PLEKHA7: variants seen among roughly 807,000 people sequenced by gnomAD.
PLEKHA7 encodes pleckstrin homology domain-containing family A member 7.
PLEKHA7 carries 104 observed loss-of-function variants against 170.0 expected under a neutral mutation model. The observed-to-expected ratio is 0.61, with a 90% CI of 0.52 to 0.72. The LOEUF is 0.72. Ranked by LOEUF, PLEKHA7 falls within the 30% of genes least tolerant of loss-of-function variation. The pLI, the probability that PLEKHA7 is intolerant of heterozygous loss-of-function variation, is 0.00. For missense variants in PLEKHA7, 1,615 were observed against 1,671.7 expected (o/e 0.97, Z 0.59); for synonymous variants, 648 against 660.8 (o/e 0.98, Z 0.30).
intron 23 of PLEKHA7, chr11:16,788,784 G>C: frequency 2.2e-6 from 1 of 464,676 alleles, no homozygotes; most frequent in Non-Finnish European, 3.9e-6. Context: ...TGTATTCCCA[G>C]GTCCTGAATT....
At chr11:16,883,486 C>T (rs1855857205) in intron 3 of PLEKHA7, among the ~76,000 whole-genome samples, 1 of 152,210 alleles carries the variant, frequency 6.6e-6, no homozygotes, top group Non-Finnish European at 1.5e-5. Flanking sequence ...AAACACCCTC[C>T]ATGGCTCCTC....
chr11:16,908,850 C>CA (rs1858050377), intron 3 of PLEKHA7, among the ~76,000 whole-genome samples: 1 of 152,114 alleles, frequency 6.6e-6, no homozygotes, highest in South Asian at 2.1e-4. Context: ...TTTGTAACGC[C>CA]AGCCCTAGCA....
At chr11:16,896,719 A>C (rs182404346) in intron 3 of PLEKHA7, among the ~76,000 whole-genome samples, 1 of 152,144 alleles carries the variant, frequency 6.6e-6, no homozygotes, top group East Asian at 1.9e-4. Context: ...AGTAGTTCCC[A>C]TTACCTTCTG....
At chr11:16,825,859 G>A (rs1850594339) in intron 10 of PLEKHA7, among the ~76,000 whole-genome samples, 1 of 152,200 alleles carries the variant, frequency 6.6e-6, no homozygotes, top group Non-Finnish European at 1.5e-5. Context: ...TGGAGGCCTT[G>A]GAGGCTCACA....
chr11:16,862,521 G>A (rs1393608514), intron 4 of PLEKHA7, among the ~76,000 whole-genome samples: 3 of 152,196 alleles, frequency 2.0e-5, no homozygotes, highest in Non-Finnish European at 4.4e-5. Flanking sequence ...AAGAGGACAA[G>A]AAGGGAAGTC....
Position 16,789,835 on chromosome 11 carries a change from A to G in PLEKHA7, c.3096T>C (p.Ile1032=). The G allele has an allele frequency of 6.2e-7, 1 of 1,614,090 alleles. No individual in the cohort carries two copies. The highest frequency in any genetic ancestry group is 8.5e-7 in the Non-Finnish European group (1 of 1,179,988). Residue 1032 remains isoleucine, a synonymous_variant, in exon 22 of 27, where the codon ATT becomes ATC. Coordinates refer to ENST00000531066, the MANE Select transcript of PLEKHA7 (RefSeq NM_001329630.2). This position sits in a 1 kb window ranked among gnomAD's most constrained non-coding sequence, Gnocchi z 4.6. The part of the protein sequence containing the change: ...STSRLQQSST[I]APYVTLRRGL... ...CCCTCCGGAGTGTGACGTAGGGAGC[A>G]ATGGTGGACGACTGCTGGAGCCTTG...
intron 3 of PLEKHA7, among the ~76,000 whole-genome samples, chr11:16,891,275 G>C (rs1856593740): frequency 6.6e-6 from 1 of 152,192 alleles, no homozygotes; most frequent in Admixed American, 6.5e-5. Context: ...TGGAAATCCA[G>C]TATCAGTGGC....
In PLEKHA7 at chr11:16,803,305, G is replaced by A. The variant is rs776457356; in HGVS notation, c.2008-10C>T. 7.5e-6 allele frequency: 12 copies of A among 1,609,596 alleles called. No individual in the cohort carries two copies. Among genetic ancestry groups the A allele is most frequent in the East Asian group, 6.7e-5 (3 of 44,846 alleles). On this transcript the variant is annotated splice_polypyrimidine_tract_variant and intron_variant, in intron 13 of 26. Coordinates refer to ENST00000531066, the MANE Select transcript of PLEKHA7 (RefSeq NM_001329630.2). ...GGTCCCGGCCTGTCATCTGGGAGGCGAACAATTTAAAAGAGATTTAACCAT... is the reference window on the plus strand; with the variant it reads ...GGTCCCGGCCTGTCATCTGGGAGGCAAACAATTTAAAAGAGATTTAACCAT...
intron 3 of PLEKHA7, among the ~76,000 whole-genome samples, chr11:16,901,107 G>A (rs177542): frequency 0.46 from 70,182 of 151,912 alleles, 16,708 homozygotes; most frequent in Non-Finnish European, 0.53. Context: ...TCGACCTCCC[G>A]AAGTGCTGGG....
In PLEKHA7 at chr11:16,899,019, T is replaced by C. The variant is rs1039907527; in HGVS notation, c.222-27837A>G. ...TTCTTCCCTAAATTAATCTATATAT[T>C]CAATGTGAAACCAATCAAGATCTCA... On this transcript the variant is annotated intron_variant, in intron 3 of 26. Transcript: ENST00000531066. Among the ~76,000 whole-genome samples the C allele has an allele frequency of 3.3e-4, 50 of 152,312 alleles. 1 individual carries two copies. Among genetic ancestry groups the C allele is most frequent in the Admixed American group, 3.3e-3 (50 of 15,306 alleles).
intron 4 of PLEKHA7, among the ~76,000 whole-genome samples, chr11:16,856,164 G>A (rs1029537602): frequency 2.6e-5 from 4 of 152,172 alleles, no homozygotes; most frequent in African/African-American, 7.2e-5. Flanking sequence ...AGGACAGACT[G>A]TCATCCCTGC....
chr11:16,833,240 C>T (rs1851257976), intron 9 of PLEKHA7, among the ~76,000 whole-genome samples: 1 of 152,144 alleles, frequency 6.6e-6, no homozygotes, highest in Admixed American at 6.5e-5. Flanking sequence ...GCCTCCCTCC[C>T]ACAGAGAAGA....
intron 4 of PLEKHA7, among the ~76,000 whole-genome samples, chr11:16,864,624 TAGTG>T (rs1056043885): frequency 5.3e-5 from 8 of 152,308 alleles, no homozygotes; most frequent in African/African-American, 1.4e-4. Context: ...GTTCTTGTGA[TAGTG>T]AGTAAGTCTC....
In PLEKHA7 at chr11:17,013,989, T is replaced by C. The variant is rs1865500801; in HGVS notation, c.221A>G (p.Asp74Gly). Reference sequence around the variant, plus strand: ...GAGCGCGGCGGCCCCACTCACTCACTCGATGAAGTAGCTGGCGCCCTCCTC... The same window carrying C: ...GAGCGCGGCGGCCCCACTCACTCACCCGATGAAGTAGCTGGCGCCCTCCTC... ...FTEEGASYFIDHNQQTTAFRH... is the reference protein window; with the variant it reads ...FTEEGASYFIGHNQQTTAFRH... The change falls in exon 3 of 27, where the codon GAC becomes GGC. Residue 74 changes from aspartate to glycine, a missense_variant and splice_region_variant. Transcript: ENST00000531066. The C allele has an allele frequency of 1.3e-6, 2 of 1,539,776 alleles. No homozygotes were observed. The highest frequency in any genetic ancestry group is 2.0e-5 in the Admixed American group (1 of 50,436).
At chr11:16,929,731 G>A (rs1299166924) in intron 3 of PLEKHA7, among the ~76,000 whole-genome samples, 4 of 152,230 alleles carry the variant, frequency 2.6e-5, no homozygotes, top group East Asian at 1.9e-4. Flanking sequence ...GGGGCTGGGC[G>A]TGGTGGCTCA....
intron 3 of PLEKHA7, among the ~76,000 whole-genome samples, chr11:16,947,915 C>CAAAAAAAAAAAAAAAAAAA (rs756124686): frequency 3.0e-5 from 2 of 67,022 alleles, no homozygotes; most frequent in Admixed American, 1.8e-4. Context: ...GACTCCGTCT[C>CAAAAAAAAAAAAAAAAAAA]AAAAAAAAAA....
intron 3 of PLEKHA7, among the ~76,000 whole-genome samples, chr11:16,936,927 C>A (rs1337974477): frequency 6.6e-6 from 1 of 152,222 alleles, no homozygotes; most frequent in Non-Finnish European, 1.5e-5. Flanking sequence ...AAACAGCAGG[C>A]AGAAAGGAAA....
Position 16,803,235 on chromosome 11 carries a change from C to A in PLEKHA7, c.2068G>T (p.Asp690Tyr). Residue 690 changes from aspartate to tyrosine, a missense_variant, in exon 14 of 27, where the codon GAC becomes TAC. Transcript: ENST00000531066. ...TCACTCTGCTCACTCACGTCAGTGTCGCTCTCAGCGATCTTCACAGGCTTC... is the reference window on the plus strand; with the variant it reads ...TCACTCTGCTCACTCACGTCAGTGTAGCTCTCAGCGATCTTCACAGGCTTC... ...SLKPVKIAES[D>Y]TDVKLSIFCE... is the part of the protein sequence containing the mutation. The A allele has an allele frequency of 6.2e-7, 1 of 1,613,826 alleles. No homozygotes were observed. The highest frequency in any genetic ancestry group is 8.5e-7 in the Non-Finnish European group (1 of 1,179,682).
chr11:16,949,131 C>G (rs1320139053), intron 3 of PLEKHA7, among the ~76,000 whole-genome samples: 1 of 152,082 alleles, frequency 6.6e-6, no homozygotes, highest in Non-Finnish European at 1.5e-5. Flanking sequence ...TCTTTACCCC[C>G]TCCCCATCTC....
Sources: allele counts gnomAD v4.1 joint callset (sites outside exome capture counted in the v4.1 genomes callset), GRCh38; gene constraint gnomAD v4.1.1; non-coding constraint Gnocchi (gnomAD v3.1); transcripts MANE v1.5; gene names NCBI Gene and HGNC (gene_info 2026-07-23, HGNC 2026-07-21).